Variants in KLF12 observed in about 807,000 individuals in gnomAD.
KLF12 encodes KLF transcription factor 12.
A neutral mutation model predicts 37.8 loss-of-function variants in KLF12; 9 were observed. That is an observed-to-expected ratio of 0.24 (90% CI 0.14 to 0.42). The LOEUF (loss-of-function observed/expected upper bound fraction) is 0.42. Among genes scored for constraint, KLF12 ranks in the 10% least tolerant of loss-of-function variants. KLF12 has a pLI of 1.00. For synonymous variants in KLF12, 208 were observed against 202.1 expected (o/e 1.03, Z -0.25); for missense variants, 411 against 516.0 (o/e 0.80, Z 1.97).
chr13:73,998,043 C>A (rs1892168622), intron 1 of KLF12, among the ~76,000 whole-genome samples: 1 of 152,118 alleles, frequency 6.6e-6, no homozygotes. Context: ...TTTCCTTTCT[C>A]TTTTTCTGTC....
chr13:73,829,992 A>G (rs1467461530), intron 4 of KLF12, among the ~76,000 whole-genome samples: 3 of 152,230 alleles, frequency 2.0e-5, no homozygotes, highest in Non-Finnish European at 4.4e-5. Context: ...GATTGAAAGG[A>G]GGTTTAAGTA....
At chr13:73,863,542 A>G (rs563007698) in intron 3 of KLF12, among the ~76,000 whole-genome samples, 3 of 152,062 alleles carry the variant, frequency 2.0e-5, no homozygotes, top group Non-Finnish European at 4.4e-5. Flanking sequence ...TGTGGTTGTT[A>G]TTTTTTGTTT....
intron 6 of KLF12, among the ~76,000 whole-genome samples, chr13:73,720,563 AT>A (rs1449413105): frequency 6.6e-6 from 1 of 152,206 alleles, no homozygotes; most frequent in African/African-American, 2.4e-5. Flanking sequence ...AGGTTAGACC[AT>A]TTAGAGTAGT....
chr13:74,147,143 C>G, the KLF12 span, among the ~76,000 whole-genome samples: 1 of 152,164 alleles, frequency 6.6e-6, no homozygotes, highest in Non-Finnish European at 1.5e-5. Context: ...GATGAGTGAG[C>G]TTTTCCCCAG....
intron 3 of KLF12, among the ~76,000 whole-genome samples, chr13:73,921,559 C>T (rs1317589596): frequency 1.3e-5 from 2 of 151,972 alleles, no homozygotes; most frequent in Non-Finnish European, 2.9e-5. Context: ...ACTTAATCTC[C>T]CCAGCTGAAA....
At chr13:73,987,034 TTAAG>T (rs1318049566) in intron 2 of KLF12, among the ~76,000 whole-genome samples, 1 of 152,184 alleles carries the variant, frequency 6.6e-6, no homozygotes, top group Non-Finnish European at 1.5e-5. Flanking sequence ...CACTTTCATA[TTAAG>T]TGTCTTGCTC....
chr13:74,237,688 T>A, the KLF12 span, among the ~76,000 whole-genome samples: 25 of 152,048 alleles, frequency 1.6e-4, no homozygotes, highest in African/African-American at 5.8e-4. Flanking sequence ...CTAGGTATTT[T>A]ATTCTCTTTG....
intron 1 of KLF12, among the ~76,000 whole-genome samples, chr13:74,057,550 T>G (rs1241157522): frequency 6.6e-6 from 1 of 152,230 alleles, no homozygotes; most frequent in Admixed American, 6.5e-5. Context: ...AAGACAATTT[T>G]GACCATATCA....
At position 73,690,066 on chromosome 13, in the gene KLF12, G is replaced by A. The variant is rs1234403768; in HGVS notation, c.*5424C>T. 1 of 152,414 alleles carries A rather than the reference G, an allele frequency of 6.6e-6. No individual in the cohort carries two copies. Among genetic ancestry groups the A allele is most frequent in the East Asian group, 1.9e-4 (1 of 5,196 alleles). 9.4% of individuals were successfully genotyped at this position (152,414 alleles called of 1,614,324 possible). ...TTAGGTATATTTGAAAGCTATAAAA[G>A]CGTTTTTTGTGGGCATGTGAACAGA... is the stretch of plus-strand genomic sequence containing the variant. On this transcript the variant is annotated 3_prime_UTR_variant, in exon 8 of 8. Coordinates refer to ENST00000377669, the MANE Select transcript of KLF12 (RefSeq NM_007249.5).
chr13:74,298,408 T>C, the KLF12 span, among the ~76,000 whole-genome samples: 1 of 152,174 alleles, frequency 6.6e-6, no homozygotes, highest in Non-Finnish European at 1.5e-5. Flanking sequence ...AAAGATGCCC[T>C]TCTAGAAATT....
At chr13:74,055,785 C>T (rs1873212252) in intron 1 of KLF12, among the ~76,000 whole-genome samples, 1 of 152,146 alleles carries the variant, frequency 6.6e-6, no homozygotes, top group African/African-American at 2.4e-5. Flanking sequence ...GTTCTAGCAG[C>T]AGGTGGACAA....
intron 6 of KLF12, among the ~76,000 whole-genome samples, chr13:73,722,355 T>G (rs1369116753): frequency 6.6e-6 from 1 of 152,228 alleles, no homozygotes; most frequent in Non-Finnish European, 1.5e-5. Context: ...GGCTTTCCCT[T>G]AACCAGCAGA....
chr13:73,858,957 A>C (rs1374813980), intron 3 of KLF12, among the ~76,000 whole-genome samples: 3 of 152,234 alleles, frequency 2.0e-5, no homozygotes, highest in Non-Finnish European at 4.4e-5. Flanking sequence ...TTTAAAACGC[A>C]GGAAAAAAAG....
chr13:73,810,388 A>G (rs1882862090), intron 5 of KLF12, among the ~76,000 whole-genome samples: 1 of 152,202 alleles, frequency 6.6e-6, no homozygotes, highest in African/African-American at 2.4e-5. Flanking sequence ...TAAGAAGTCA[A>G]TATAATTATT....
At chr13:74,196,420 C>T in the KLF12 span, among the ~76,000 whole-genome samples, 1 of 152,158 alleles carries the variant, frequency 6.6e-6, no homozygotes, top group African/African-American at 2.4e-5. Context: ...TGCTGCAACC[C>T]TTGACCCAAA....
At chr13:73,722,547 G>C (rs1397286837) in intron 6 of KLF12, among the ~76,000 whole-genome samples, 1 of 152,176 alleles carries the variant, frequency 6.6e-6, no homozygotes, top group African/African-American at 2.4e-5. Context: ...CAGGCATCAA[G>C]TTCCTCTCTC....
At chr13:73,855,837 G>C (rs1809322325) in intron 3 of KLF12, among the ~76,000 whole-genome samples, 1 of 152,066 alleles carries the variant, frequency 6.6e-6, no homozygotes, top group Non-Finnish European at 1.5e-5. Flanking sequence ...ATTGTGATTT[G>C]ATTGAGCAGT....
At chr13:73,941,532 T>C (rs1890185123) in intron 3 of KLF12, among the ~76,000 whole-genome samples, 1 of 152,210 alleles carries the variant, frequency 6.6e-6, no homozygotes, top group South Asian at 2.1e-4. Flanking sequence ...TCATGAAATA[T>C]TCCAAATTCT....
At chr13:74,167,286 T>C in the KLF12 span, among the ~76,000 whole-genome samples, 2 of 152,204 alleles carry the variant, frequency 1.3e-5, no homozygotes, top group African/African-American at 4.8e-5. Context: ...TTGGAACATC[T>C]GGTATAACTC....
Sources: allele counts gnomAD v4.1 joint callset (sites outside exome capture counted in the v4.1 genomes callset), GRCh38; gene constraint gnomAD v4.1.1; transcripts MANE v1.5; gene names NCBI Gene and HGNC (gene_info 2026-07-23, HGNC 2026-07-21).